Variants in MXRA5 observed in about 807,000 individuals in gnomAD.
MXRA5 encodes the protein matrix-remodeling-associated protein 5.
A neutral mutation model predicts 112.5 loss-of-function variants in MXRA5; 41 were observed. The observed-to-expected ratio is 0.36, with a 90% CI of 0.28 to 0.47. MXRA5 has a LOEUF of 0.47. Among genes scored for constraint, MXRA5 ranks in the 20% least tolerant of loss-of-function variants. The pLI is 0.99. For synonymous variants in MXRA5, 862 were observed against 900.8 expected (o/e 0.96, Z 0.77); for missense variants, 2,150 against 2,251.0 (o/e 0.96, Z 0.91).
Position 3,323,487 on chromosome X carries a change from C to G in MXRA5, c.2198G>C (p.Gly733Ala). ...TCTCCCTTTCTTGGCTTTCTTGTCT[C>G]CATTGATGGCATCATCCTTTGTTTT... ...FLKTKDDAIN[G>A]DKKAKKGRRK... is the part of the protein sequence containing the mutation. The change falls in exon 5 of 7, where the codon GGA (glycine) becomes GCA (alanine). Residue 733 changes from glycine to alanine, a missense_variant. Gly to Ala is a moderately conservative substitution (Grantham distance 60, BLOSUM62 0). Coordinates refer to ENST00000217939, the MANE Select transcript of MXRA5 (RefSeq NM_015419.4). 1.7e-6 allele frequency: 2 copies of G among 1,211,792 alleles called. No homozygotes were observed. The highest frequency in any genetic ancestry group is 1.1e-6 in the Non-Finnish European group (1 of 895,552).
intron 6 of MXRA5, among the ~76,000 whole-genome samples, chrX:3,315,395 AGATAGATAGATAGATAGATAGAT>A (rs1921084608): frequency 1.6e-5 from 1 of 61,228 alleles, no homozygotes. Flanking sequence ...GATAGATGAT[AGATAGATAGATAGATAGATAGAT>A]AGAACCTTTC....
chrX:3,316,182 C>A (rs865823579), intron 6 of MXRA5, among the ~76,000 whole-genome samples: 1 of 89,322 alleles, frequency 1.1e-5, no homozygotes, highest in African/African-American at 4.7e-5. Context: ...GGCGTGGTGG[C>A]GGGCGCCTGT....
chrX:3,330,204 T>G lies in MXRA5; in HGVS notation c.523A>C (p.Thr175Pro). The change falls in exon 4 of 7, where the codon ACA becomes CCA. Residue 175 changes from threonine to proline, a missense_variant. Thr to Pro is a conservative substitution (Grantham distance 38). Coordinates refer to ENST00000217939, the MANE Select transcript of MXRA5 (RefSeq NM_015419.4). ...GAGAGTCTGAAATAATCCAAAAATGTGAACGTGGAGAAGGTGCTGGGGTGC... is the reference window on the plus strand; with the variant it reads ...GAGAGTCTGAAATAATCCAAAAATGGGAACGTGGAGAAGGTGCTGGGGTGC... ...QLHPSTFSTF[T>P]FLDYFRLSTI... 8.3e-7 allele frequency: 1 copy of G among 1,209,840 alleles called. No homozygotes were observed. The highest frequency in any genetic ancestry group is 1.1e-6 in the Non-Finnish European group (1 of 894,542).
At chrX:3,340,212 G>T (rs1251618111) in intron 2 of MXRA5, among the ~76,000 whole-genome samples, 1 of 111,958 alleles carries the variant, frequency 8.9e-6, no homozygotes, top group African/African-American at 3.2e-5. Flanking sequence ...CAGCTGTGTG[G>T]GAATAGAAGG....
chrX:3,336,951 G>A (rs1921797620), intron 2 of MXRA5, among the ~76,000 whole-genome samples: 1 of 111,840 alleles, frequency 8.9e-6, no homozygotes, highest in African/African-American at 3.2e-5. Context: ...TACTATTCTG[G>A]GTGGGTCAAC....
intron 4 of MXRA5, among the ~76,000 whole-genome samples, chrX:3,326,908 C>T (rs181280386): frequency 8.9e-6 from 1 of 111,780 alleles, no homozygotes; most frequent in East Asian, 2.8e-4. Context: ...AAACACATTC[C>T]GTGAGTTCCA....
rs1261888654 is a variant in MXRA5, at chrX:3,323,618, G to A, written c.2067C>T (p.Ser689=). Residue 689 remains serine (S), a synonymous_variant, in exon 5 of 7, where the codon TCC becomes TCT. Coordinates refer to ENST00000217939, the MANE Select transcript of MXRA5 (RefSeq NM_015419.4). ...CCTCCACGATGTCTTCTCTGACTCT[G>A]GAAAGAGCCTTTGCACCTGGGCGTC... ...RGRRPGAKAL[S]RVREDIVEDE... 2.5e-6 allele frequency: 3 copies of A among 1,211,036 alleles called. No individual in the cohort carries two copies. The South Asian group carries it at 5.3e-5, about 21-fold the overall frequency.
chrX:3,329,874 C>T, intron 4 of MXRA5, 144 bp downstream of exon 4: 1 of 682,086 alleles, frequency 1.5e-6, no homozygotes, highest in Non-Finnish European at 2.1e-6. Context: ...AGTCTGAGTT[C>T]CTGTCTAGCT....
rs774829303 is a variant in MXRA5, at chrX:3,322,191, C to T, written c.3494G>A (p.Arg1165Gln). ...AGTTGTGGGTGGGGTTTGCTTGTGC[C>T]GGTGGCGGAATTTGTTGGGGCGTAA... ...RRLRPNKFRH[R>Q]HKQTPPTTFA... Residue 1165 changes from arginine to glutamine, a missense_variant, in exon 5 of 7, where the codon CGG becomes CAG. Around this residue, in one of 6 missense-constraint regions of MXRA5, gnomAD observed 1,485 missense variants for 1,471.6 expected, o/e 1.01. Transcript: ENST00000217939. The T allele has an allele frequency of 5.9e-6, 7 of 1,187,545 alleles. No individual in the cohort carries two copies. In the South Asian group the frequency reaches 1.3e-4, roughly 23 times the overall value.
At chrX:3,340,430 A>G (rs1921888003) in intron 2 of MXRA5, among the ~76,000 whole-genome samples, 1 of 111,936 alleles carries the variant, frequency 8.9e-6, no homozygotes, top group African/African-American at 3.2e-5. Context: ...ATTATTAGTG[A>G]TTTTTTTCAA....
chrX:3,338,997 G>C (rs1260033149), intron 2 of MXRA5, among the ~76,000 whole-genome samples: 6 of 109,094 alleles, frequency 5.5e-5, no homozygotes, highest in Non-Finnish European at 5.7e-5. Flanking sequence ...TAGATAGATA[G>C]ATAGATATTG....
chrX:3,316,987 T>C, intron 6 of MXRA5, 116 bp downstream of exon 6: 2 of 856,148 alleles, frequency 2.3e-6, no homozygotes, highest in Non-Finnish European at 3.1e-6. Flanking sequence ...ATTAATTTCA[T>C]TTAATTTTAT....
At chrX:3,341,719 G>A (rs1408566792) in intron 2 of MXRA5, among the ~76,000 whole-genome samples, 1 of 87,265 alleles carries the variant, frequency 1.1e-5, no homozygotes, top group African/African-American at 4.2e-5. Flanking sequence ...TATACATTCT[G>A]CATCAACCCC....
chrX:3,326,919 C>T (rs185053140), intron 4 of MXRA5, among the ~76,000 whole-genome samples: 37 of 111,966 alleles, frequency 3.3e-4, no homozygotes, highest in Non-Finnish European at 4.7e-4. Flanking sequence ...GTGAGTTCCA[C>T]ACCCCATTGC....
At chrX:3,331,630 C>T (rs768187731) in intron 2 of MXRA5, among the ~76,000 whole-genome samples, 4 of 112,336 alleles carry the variant, frequency 3.6e-5, no homozygotes, top group East Asian at 2.8e-4. Context: ...CCATGTCTGA[C>T]GGATGATCAA....
intron 2 of MXRA5, among the ~76,000 whole-genome samples, chrX:3,339,222 C>A (rs1470303923): frequency 1.8e-5 from 2 of 110,489 alleles, no homozygotes; most frequent in Admixed American, 9.7e-5. Flanking sequence ...CCTGCCTGAC[C>A]CTGTCATCTT....
intron 2 of MXRA5, among the ~76,000 whole-genome samples, chrX:3,341,405 ATTATTATTATATATAATATATG>A (rs1921957831): frequency 9.0e-5 from 2 of 22,206 alleles, no homozygotes; most frequent in Non-Finnish European, 1.2e-4. Flanking sequence ...TATAATATAT[ATTATTATTATATATAATATATG>A]TAATATATAT....
In MXRA5 at chrX:3,322,014, G is replaced by T; in HGVS notation, c.3671C>A (p.Pro1224His). The stretch of plus-strand genomic sequence containing the variant: ...TCTCCGTGGTGTTCCCTTGGATGTG[G>T]GTTCTGCATTCTTCTCCATTTCCAA... The part of the protein sequence containing the change: ...KQLEMEKNAE[P>H]TSKGTPRRKH... The change falls in exon 5 of 7, where the codon CCC becomes CAC. Residue 1224 changes from proline to histidine, a missense_variant. Physicochemically the swap from Pro to His is moderately conservative, Grantham distance 77 (BLOSUM62 -2). Transcript: ENST00000217939. The T allele has an allele frequency of 8.3e-7, 1 of 1,211,446 alleles. No individual in the cohort carries two copies. Among genetic ancestry groups the T allele is most frequent in the Non-Finnish European group, 1.1e-6 (1 of 895,447 alleles).
In MXRA5 at chrX:3,322,242, C is replaced by T. The variant is rs759614028; in HGVS notation, c.3443G>A (p.Arg1148Gln). 6.7e-6 allele frequency: 8 copies of T among 1,196,340 alleles called. No individual in the cohort carries two copies. Among genetic ancestry groups the T allele is most frequent in the South Asian group, 1.8e-5 (1 of 54,165 alleles). ...TCTCCTTCTCCCGTTGGGTCTCCTT[C>T]GAGAAGGGTGAGTGCTCATGGTGGA... ...PSSTMSTHPS[R>Q]RRPNGRRRLR... The change falls in exon 5 of 7, where the codon CGA (arginine) becomes CAA (glutamine). Residue 1148 changes from arginine to glutamine, a missense_variant. Around this residue, in one of 6 missense-constraint regions of MXRA5, gnomAD observed 1,485 missense variants for 1,471.6 expected, o/e 1.01. Coordinates refer to ENST00000217939, the MANE Select transcript of MXRA5 (RefSeq NM_015419.4).
Sources: allele counts gnomAD v4.1 joint callset (sites outside exome capture counted in the v4.1 genomes callset), GRCh38; gene constraint gnomAD v4.1.1; regional missense constraint gnomAD v4.1.1; transcripts MANE v1.5; gene names NCBI Gene and HGNC (gene_info 2026-07-23, HGNC 2026-07-21).